CAPZB: variants seen among roughly 807,000 people sequenced by gnomAD.
The protein encoded by CAPZB is capping actin protein of muscle Z-line subunit beta.
A neutral mutation model predicts 38.1 loss-of-function variants in CAPZB; 2 were observed. The ratio of observed to expected loss-of-function variants is 0.05; its 90% CI spans 0.02 to 0.17. CAPZB has a LOEUF of 0.17. CAPZB is among the 10% of genes least tolerant of loss of function. CAPZB has a pLI of 1.00. For missense variants in CAPZB, 161 were observed against 334.2 expected, an observed-to-expected ratio of 0.48 and a Z score of 4.04; for synonymous variants, 107 against 127.4, an observed-to-expected ratio of 0.84 and a Z score of 1.08.
intron 6 of CAPZB, among the ~76,000 whole-genome samples, chr1:19,348,762 G>GTC (rs2093976071): frequency 2.3e-5 from 3 of 131,862 alleles, no homozygotes; most frequent in Non-Finnish European, 5.1e-5. Context: ...TCTGACAAGG[G>GTC]GGGGGGGCGG....
chr1:19,422,356 AG>A (rs2094404521), intron 1 of CAPZB, among the ~76,000 whole-genome samples: 1 of 152,206 alleles, frequency 6.6e-6, no homozygotes, highest in Admixed American at 6.5e-5. Flanking sequence ...AAGGCTGAGA[AG>A]CCCTGGGCGA....
chr1:19,384,756 AC>A (rs1190872380), intron 3 of CAPZB, among the ~76,000 whole-genome samples: 4 of 152,192 alleles, frequency 2.6e-5, no homozygotes, highest in Non-Finnish European at 5.9e-5. Context: ...CATCATGGAA[AC>A]ACTGGGCCAG....
intron 4 of CAPZB, among the ~76,000 whole-genome samples, chr1:19,359,210 CTTTTTTT>C (rs57251931): frequency 1.7e-5 from 2 of 114,410 alleles, no homozygotes; most frequent in African/African-American, 3.4e-5. Flanking sequence ...TCTCTGTACT[CTTTTTTT>C]TTTTTTTTTT....
chr1:19,364,581 C>T (rs527802778), intron 4 of CAPZB, among the ~76,000 whole-genome samples: 94 of 152,324 alleles, frequency 6.2e-4, no homozygotes, highest in African/African-American at 2.2e-3. Context: ...TGGCCTTCTC[C>T]TCCTTGTAAT....
chr1:19,476,697 A>C (rs2100800874), intron 1 of CAPZB, among the ~76,000 whole-genome samples: 1 of 152,310 alleles, frequency 6.6e-6, no homozygotes, highest in South Asian at 2.1e-4. Flanking sequence ...CTAGGCTAAG[A>C]CTATCTCGCC....
intron 1 of CAPZB, among the ~76,000 whole-genome samples, chr1:19,434,079 C>A (rs572568991): frequency 6.7e-4 from 102 of 152,312 alleles, no homozygotes; most frequent in African/African-American, 2.4e-3. Flanking sequence ...CATAACGTTG[C>A]CCTCTTCCAA....
At chr1:19,437,453 G>A (rs2094461780) in intron 1 of CAPZB, among the ~76,000 whole-genome samples, 1 of 152,198 alleles carries the variant, frequency 6.6e-6, no homozygotes, top group African/African-American at 2.4e-5. Flanking sequence ...TGTTTGGGTG[G>A]GTTGCTGTTA....
At chr1:19,383,429 A>C (rs1021837181) in intron 3 of CAPZB, among the ~76,000 whole-genome samples, 62 of 141,940 alleles carry the variant, frequency 4.4e-4, no homozygotes, top group African/African-American at 1.6e-3. Flanking sequence ...CCTGGACAAC[A>C]GAGTGAGACT....
chr1:19,360,043 C>A (rs183446041), intron 4 of CAPZB, among the ~76,000 whole-genome samples: 5 of 152,320 alleles, frequency 3.3e-5, no homozygotes, highest in Non-Finnish European at 7.4e-5. Flanking sequence ...GGCCATTCTG[C>A]AATGTTCCTG....
Position 19,417,384 on chromosome 1 carries a change from T to C in CAPZB, c.93+2277A>G, listed in dbSNP as rs146711497. On this transcript the variant is annotated intron_variant, in intron 2 of 8. Transcript: ENST00000264202. Reference sequence around the variant, plus strand: ...AACTCAGCCAAGCATGCTTTCATGCTGAGTTTAGAGGAAAAACAAGCCCCT... The same window carrying C: ...AACTCAGCCAAGCATGCTTTCATGCCGAGTTTAGAGGAAAAACAAGCCCCT... 1.2e-3 allele frequency among the ~76,000 whole-genome samples: 188 copies of C among 152,312 alleles called. 1 individual carries two copies. Among genetic ancestry groups the C allele is most frequent in the African/African-American group, 4.5e-3 (185 of 41,566 alleles).
chr1:19,373,214 C>G (rs903294454), intron 4 of CAPZB, among the ~76,000 whole-genome samples: 1 of 152,124 alleles, frequency 6.6e-6, no homozygotes, highest in Non-Finnish European at 1.5e-5. Flanking sequence ...TCAGAGGGAG[C>G]CGTGAGGACA....
chr1:19,423,952 C>T (rs1012532157), intron 1 of CAPZB, among the ~76,000 whole-genome samples: 1 of 152,134 alleles, frequency 6.6e-6, no homozygotes, highest in South Asian at 2.1e-4. Context: ...GCTGGGATTA[C>T]AGGCATGAGC....
chr1:19,368,821 G>A (rs2094105037), intron 4 of CAPZB, among the ~76,000 whole-genome samples: 1 of 152,082 alleles, frequency 6.6e-6, no homozygotes, highest in Non-Finnish European at 1.5e-5. Flanking sequence ...GTGAGCCACT[G>A]TGCCCCACCG....
At position 19,380,168 on chromosome 1, in the gene CAPZB, C is replaced by G. The variant is rs112423766; in HGVS notation, c.216-1515G>C. 8.5e-3 allele frequency among the ~76,000 whole-genome samples: 1,301 copies of G among 152,292 alleles called. 17 individuals are homozygous for G. The highest frequency in any genetic ancestry group is 9.7e-3 in the Non-Finnish European group (660 of 68,028). On this transcript the variant is annotated intron_variant, in intron 3 of 8. Coordinates refer to ENST00000264202, the MANE Select transcript of CAPZB (RefSeq NM_004930.5). Reference sequence around the variant, plus strand: ...TGGGCGGCCTCTTCCACCAGCCACCCGCAGGCAGCTTTCTCAGAGGCTGGT... The same window carrying G: ...TGGGCGGCCTCTTCCACCAGCCACCGGCAGGCAGCTTTCTCAGAGGCTGGT...
At chr1:19,409,365 C>T (rs1038698851) in intron 2 of CAPZB, among the ~76,000 whole-genome samples, 2 of 151,988 alleles carry the variant, frequency 1.3e-5, no homozygotes, top group African/African-American at 4.8e-5. Flanking sequence ...AATCCACCCA[C>T]CAAGCAGAAG....
At chr1:19,364,600 C>T (rs755760844) in intron 4 of CAPZB, among the ~76,000 whole-genome samples, 18 of 152,182 alleles carry the variant, frequency 1.2e-4, no homozygotes, top group Non-Finnish European at 2.1e-4. Flanking sequence ...ATTCCTCATA[C>T]GACTCAATAC....
At chr1:19,438,464 A>T (rs1181439349) in intron 1 of CAPZB, among the ~76,000 whole-genome samples, 4 of 152,194 alleles carry the variant, frequency 2.6e-5, no homozygotes, top group African/African-American at 9.7e-5. Context: ...GAGAAAATTC[A>T]ATTAAGAAAT....
intron 1 of CAPZB, among the ~76,000 whole-genome samples, chr1:19,463,794 A>G (rs1198305271): frequency 6.6e-6 from 1 of 152,238 alleles, no homozygotes; most frequent in Non-Finnish European, 1.5e-5. Flanking sequence ...TTCAAAGCAC[A>G]CAGGGTGGAG....
At chr1:19,469,669 A>G (rs2094579950) in intron 1 of CAPZB, among the ~76,000 whole-genome samples, 1 of 151,566 alleles carries the variant, frequency 6.6e-6, no homozygotes, top group African/African-American at 2.4e-5. Context: ...GTGCAGAGAG[A>G]AAAAATACTC....
Sources: allele counts gnomAD v4.1 joint callset (sites outside exome capture counted in the v4.1 genomes callset), GRCh38; gene constraint gnomAD v4.1.1; transcripts MANE v1.5; gene names NCBI Gene and HGNC (gene_info 2026-07-23, HGNC 2026-07-21).